GALNT10: variants seen among roughly 807,000 people sequenced by gnomAD.
GALNT10 encodes the protein polypeptide N-acetylgalactosaminyltransferase 10.
A neutral mutation model predicts 75.0 loss-of-function variants in GALNT10; 41 were observed. That is an observed-to-expected ratio of 0.55 (90% CI 0.43 to 0.71). GALNT10 has a LOEUF of 0.71. Among genes scored for constraint, GALNT10 ranks in the 30% least tolerant of loss-of-function variants. GALNT10 has a pLI of 0.00. For synonymous variants in GALNT10, 302 were observed against 313.0 expected, an observed-to-expected ratio of 0.96 and a Z score of 0.37; for missense variants, 727 against 818.5, an observed-to-expected ratio of 0.89 and a Z score of 1.36.
intron 4 of GALNT10, among the ~76,000 whole-genome samples, chr5:154,355,734 T>G (rs889618985): frequency 2.7e-5 from 4 of 150,894 alleles, no homozygotes; most frequent in African/African-American, 1.0e-4. Flanking sequence ...TCTGACATGC[T>G]GGGGCTAAGT....
chr5:154,283,522 A>C (rs1754072483), intron 1 of GALNT10, among the ~76,000 whole-genome samples: 1 of 152,166 alleles, frequency 6.6e-6, no homozygotes, highest in Admixed American at 6.5e-5. Flanking sequence ...TGGGATAGGT[A>C]AGGGGCTGGG....
At chr5:154,253,416 T>G (rs1753559068) in intron 1 of GALNT10, among the ~76,000 whole-genome samples, 2 of 142,546 alleles carry the variant, frequency 1.4e-5, no homozygotes, top group Non-Finnish European at 1.5e-5. Context: ...GGGGAAGGGA[T>G]AGCATTAGGA....
intron 10 of GALNT10, among the ~76,000 whole-genome samples, chr5:154,415,223 A>C (rs918190489): frequency 6.6e-6 from 1 of 152,212 alleles, no homozygotes; most frequent in African/African-American, 2.4e-5. Context: ...TTATAATGGC[A>C]CTTACTGAAG....
intron 1 of GALNT10, among the ~76,000 whole-genome samples, chr5:154,214,327 A>G (rs993672356): frequency 3.3e-5 from 5 of 152,126 alleles, no homozygotes; most frequent in African/African-American, 1.2e-4. Context: ...ATCTTTTAGA[A>G]TTAATCTTTT....
intron 3 of GALNT10, among the ~76,000 whole-genome samples, chr5:154,304,934 G>A (rs1754409224): frequency 6.6e-6 from 1 of 152,156 alleles, no homozygotes; most frequent in Non-Finnish European, 1.5e-5. Flanking sequence ...TAAGCCAACA[G>A]AGGAGATAAA....
Position 154,417,103 on chromosome 5 carries a change from C to T in GALNT10, c.*131C>T. 1.3e-6 allele frequency: 1 copy of T among 771,320 alleles called. No individual in the cohort carries two copies. Among genetic ancestry groups the T allele is most frequent in the Non-Finnish European group, 2.1e-6 (1 of 471,636 alleles). 47.8% of individuals were successfully genotyped at this position (771,320 alleles called of 1,614,324 possible). A position where few individuals can be genotyped will look rare whatever the true frequency, so the allele number is the denominator to read the frequency against. On this transcript the variant is annotated 3_prime_UTR_variant, in exon 12 of 12. Coordinates refer to ENST00000297107, the MANE Select transcript of GALNT10 (RefSeq NM_198321.4). The stretch of plus-strand genomic sequence containing the variant: ...GCCAAATGGTTCAGGGTGAAGAGGG[C>T]TCTTGATTCAGGGGCTGGGGTCTGC...
intron 1 of GALNT10, among the ~76,000 whole-genome samples, chr5:154,207,599 C>G (rs907233967): frequency 6.6e-6 from 1 of 152,110 alleles, no homozygotes; most frequent in African/African-American, 2.4e-5. Context: ...GGCGGGTAAG[C>G]AGAAAAGGCT....
chr5:154,367,857 CA>C (rs71577134), intron 4 of GALNT10, among the ~76,000 whole-genome samples: 944 of 77,006 alleles, frequency 0.012, 2 homozygotes, highest in African/African-American at 0.02. Flanking sequence ...GACTCCGTCT[CA>C]AAAAAAAAAA....
chr5:154,383,541 G>A (rs1179971469), intron 6 of GALNT10, among the ~76,000 whole-genome samples: 1 of 152,194 alleles, frequency 6.6e-6, no homozygotes, highest in African/African-American at 2.4e-5. Flanking sequence ...GAACAGGCTG[G>A]GCAGAGAGGC....
rs745408716 is a variant in GALNT10, at chr5:154,416,056, C to T, written c.1653+124C>T. The stretch of plus-strand genomic sequence containing the variant: ...CATTTGTGCCACAAACCTACCATGC[C>T]GGATTTTGTAGTCATTCAAGAGTAG... On this transcript the variant is annotated intron_variant, in intron 11 of 11. Coordinates refer to ENST00000297107, the MANE Select transcript of GALNT10 (RefSeq NM_198321.4). The surrounding 1 kb of genome is among the most constrained non-coding windows in gnomAD (Gnocchi z 4.5). 2.9e-5 allele frequency: 25 copies of T among 867,302 alleles called. No individual in the cohort carries two copies. The highest frequency in any genetic ancestry group is 4.4e-5 in the Non-Finnish European group (25 of 564,872). The allele number at this position is 867,302 out of a possible 1,614,324, so 53.7% of individuals were successfully genotyped here. A position where few individuals can be genotyped will look rare whatever the true frequency, so the allele number is the denominator to read the frequency against.
At chr5:154,225,125 C>T (rs1753041874) in intron 1 of GALNT10, among the ~76,000 whole-genome samples, 2 of 151,010 alleles carry the variant, frequency 1.3e-5, no homozygotes, top group Admixed American at 1.3e-4. Flanking sequence ...CAGAGTCTTG[C>T]TCTGTCACCC....
intron 3 of GALNT10, among the ~76,000 whole-genome samples, chr5:154,302,384 G>A (rs1249307522): frequency 6.6e-6 from 1 of 152,212 alleles, no homozygotes; most frequent in Admixed American, 6.5e-5. Flanking sequence ...GGCTCTGAGT[G>A]GGCCTGCCCT....
chr5:154,362,619 G>A (rs984078578), intron 4 of GALNT10, among the ~76,000 whole-genome samples: 4 of 152,206 alleles, frequency 2.6e-5, no homozygotes, highest in African/African-American at 9.7e-5. Context: ...GAGAGGCATA[G>A]CATCTTGGAA....
chr5:154,278,663 T>C (rs1054235760), intron 1 of GALNT10, among the ~76,000 whole-genome samples: 3 of 152,192 alleles, frequency 2.0e-5, no homozygotes, highest in Non-Finnish European at 4.4e-5. Flanking sequence ...CTATACCCAA[T>C]TTTTTAATGA....
intron 1 of GALNT10, among the ~76,000 whole-genome samples, chr5:154,232,239 T>C (rs545754652): frequency 6.6e-6 from 1 of 152,340 alleles, no homozygotes; most frequent in Admixed American, 6.5e-5. Flanking sequence ...TTTTCATCCT[T>C]AATAAAAACA....
At chr5:154,278,541 G>A (rs886923061) in intron 1 of GALNT10, among the ~76,000 whole-genome samples, 2 of 152,028 alleles carry the variant, frequency 1.3e-5, no homozygotes, top group African/African-American at 4.8e-5. Flanking sequence ...GAGAAGGGAG[G>A]TATTTTTTTA....
chr5:154,361,734 GTTTAA>G (rs1755391720), intron 4 of GALNT10, among the ~76,000 whole-genome samples: 1 of 152,224 alleles, frequency 6.6e-6, no homozygotes, highest in South Asian at 2.1e-4. Context: ...AATTGGTGGT[GTTTAA>G]TTTATGTTTA....
chr5:154,292,856 C>G (rs79271542), intron 1 of GALNT10, among the ~76,000 whole-genome samples: 1 of 152,150 alleles, frequency 6.6e-6, no homozygotes, highest in African/African-American at 2.4e-5. Context: ...GCCGGGGTCC[C>G]CTCCTGTAGA....
intron 1 of GALNT10, among the ~76,000 whole-genome samples, chr5:154,243,765 T>C (rs532671929): frequency 6.6e-6 from 1 of 152,338 alleles, no homozygotes; most frequent in East Asian, 1.9e-4. Flanking sequence ...GGAAGGAGTA[T>C]TGCTGTCTAA....
Sources: gnomAD v4.1 joint callset for allele counts (sites outside exome capture counted in the v4.1 genomes callset) on GRCh38, gnomAD v4.1.1 for gene constraint, Gnocchi (gnomAD v3.1) non-coding constraint, MANE v1.5 for transcripts, NCBI Gene and HGNC (gene_info 2026-07-23, HGNC 2026-07-21) for gene names.